Variants in SYK observed in about 807,000 individuals in gnomAD.
SYK encodes the protein tyrosine-protein kinase SYK.
A neutral mutation model predicts 77.8 loss-of-function variants in SYK; 16 were observed. The observed-to-expected ratio is 0.21, with a 90% CI of 0.14 to 0.31. The LOEUF (loss-of-function observed/expected upper bound fraction) is 0.31. Among genes scored for constraint, SYK ranks in the 10% least tolerant of loss-of-function variants. The pLI, the probability that SYK is intolerant of heterozygous loss-of-function variation, is 1.00. For synonymous variants in SYK, 312 were observed against 308.7 expected (o/e 1.01, Z -0.11); for missense variants, 529 against 814.4 (o/e 0.65, Z 4.26).
In SYK at chr9:90,824,376, T is replaced by C. The variant is rs374539317; in HGVS notation, c.-41-19482T>C. On this transcript the variant is annotated intron_variant, in intron 1 of 13. Coordinates refer to ENST00000375754, the MANE Select transcript of SYK (RefSeq NM_003177.7). ...TAGAAATGGAGGAAACAGTTTCTAA[T>C]TCATTTTATGAGTTCAGATTTCACG... Among the ~76,000 whole-genome samples the C allele has an allele frequency of 3.3e-5, 5 of 152,324 alleles. No homozygotes were observed. In the East Asian group the frequency reaches 9.6e-4, roughly 29 times the overall value.
intron 3 of SYK, among the ~76,000 whole-genome samples, chr9:90,854,439 G>A (rs886976124): frequency 2.6e-5 from 4 of 152,112 alleles, no homozygotes; most frequent in South Asian, 4.1e-4. Flanking sequence ...AGGAGGATGG[G>A]AAGCCTGCAG....
At chr9:90,831,469 A>G (rs759992322) in intron 1 of SYK, among the ~76,000 whole-genome samples, 26 of 152,250 alleles carry the variant, frequency 1.7e-4, no homozygotes, top group African/African-American at 2.4e-4. Context: ...ATATTTAAGA[A>G]CACAGTCTTA....
chr9:90,836,808 CATT>C (rs1324601438), intron 1 of SYK, among the ~76,000 whole-genome samples: 1 of 152,158 alleles, frequency 6.6e-6, no homozygotes, highest in African/African-American at 2.4e-5. Flanking sequence ...GAAGTCATGA[CATT>C]ATAAGAAAAA....
intron 3 of SYK, among the ~76,000 whole-genome samples, chr9:90,853,481 A>G (rs1826897848): frequency 6.6e-6 from 1 of 152,098 alleles, no homozygotes; most frequent in Non-Finnish European, 1.5e-5. Context: ...CAGATGTCCA[A>G]CAATGATAGA....
At chr9:90,893,544 C>G (rs1243288986) in intron 13 of SYK, among the ~76,000 whole-genome samples, 2 of 152,046 alleles carry the variant, frequency 1.3e-5, no homozygotes, top group African/African-American at 4.8e-5. Flanking sequence ...AGCACAAACC[C>G]AGGTATGGTT....
intron 11 of SYK, among the ~76,000 whole-genome samples, chr9:90,885,457 C>T (rs369566481): frequency 1.8e-4 from 28 of 152,198 alleles, no homozygotes; most frequent in African/African-American, 6.7e-4. Context: ...GAAGACAGGT[C>T]TTTTGAAACA....
intron 1 of SYK, among the ~76,000 whole-genome samples, chr9:90,811,032 A>G (rs987310884): frequency 2.0e-5 from 3 of 148,330 alleles, no homozygotes; most frequent in Non-Finnish European, 4.4e-5. Context: ...GAATAAAAAT[A>G]TAGCATTGAA....
At chr9:90,880,751 G>T (rs550148072) in intron 11 of SYK, among the ~76,000 whole-genome samples, 95 of 152,358 alleles carry the variant, frequency 6.2e-4, no homozygotes, top group African/African-American at 2.1e-3. Flanking sequence ...GGTAGGCAGG[G>T]TTCAGTGCGT....
chr9:90,812,684 G>A (rs1396813195), intron 1 of SYK, among the ~76,000 whole-genome samples: 2 of 152,040 alleles, frequency 1.3e-5, no homozygotes, highest in Non-Finnish European at 1.5e-5. Flanking sequence ...TGGCAGCTGT[G>A]TGTGCCTTTG....
chr9:90,804,616 G>A (rs1448442682), intron 1 of SYK, among the ~76,000 whole-genome samples: 1 of 152,184 alleles, frequency 6.6e-6, no homozygotes, highest in Non-Finnish European at 1.5e-5. Context: ...AGGAATTTAG[G>A]CCTTTGGGGA....
At chr9:90,873,532 C>CAAATAAATA (rs899666827) in intron 7 of SYK, among the ~76,000 whole-genome samples, 1 of 151,962 alleles carries the variant, frequency 6.6e-6, no homozygotes, top group Non-Finnish European at 1.5e-5. Flanking sequence ...TGATGTGGAC[C>CAAATAAATA]AAATAAATAC....
chr9:90,802,791 A>G (rs553997671), intron 1 of SYK, among the ~76,000 whole-genome samples: 103 of 101,612 alleles, frequency 1.0e-3, no homozygotes, highest in Middle Eastern at 6.0e-3. Context: ...ACTCAAGTAG[A>G]GTTCAAAGCA....
At chr9:90,857,272 C>T (rs1827073745) in intron 3 of SYK, among the ~76,000 whole-genome samples, 1 of 152,174 alleles carries the variant, frequency 6.6e-6, no homozygotes, top group Non-Finnish European at 1.5e-5. Context: ...TTTTATTTGA[C>T]ACATGTGGTT....
intron 3 of SYK, among the ~76,000 whole-genome samples, chr9:90,860,858 C>T (rs1443789841): frequency 6.6e-6 from 1 of 152,110 alleles, no homozygotes; most frequent in Non-Finnish European, 1.5e-5. Flanking sequence ...CTTCTTGCAA[C>T]CAGGAGGAGG....
chr9:90,850,931 G>A (rs1277714797), intron 3 of SYK, among the ~76,000 whole-genome samples: 2 of 152,186 alleles, frequency 1.3e-5, no homozygotes, highest in Non-Finnish European at 2.9e-5. Flanking sequence ...AAATGCAGAT[G>A]ATGGAAGCAG....
chr9:90,833,659 A>G (rs1484548185), intron 1 of SYK, among the ~76,000 whole-genome samples: 1 of 152,220 alleles, frequency 6.6e-6, no homozygotes, highest in African/African-American at 2.4e-5. Context: ...GAAACATTGT[A>G]CTTATGGTGG....
At chr9:90,842,750 A>T (rs951439009) in intron 1 of SYK, among the ~76,000 whole-genome samples, 1 of 122,202 alleles carries the variant, frequency 8.2e-6, no homozygotes, top group Admixed American at 9.0e-5. Context: ...TGCATGTGGT[A>T]TGGAGAGAGT....
chr9:90,859,684 G>A lies in SYK; in HGVS notation c.579-2522G>A, dbSNP rs560238246. ...ACTGTTCCAAATTGTTTTCCAAAGT[G>A]GGTGAGCCCATTTATGCTCCCACAA... On this transcript the variant is annotated intron_variant, in intron 3 of 13. Coordinates refer to ENST00000375754, the MANE Select transcript of SYK (RefSeq NM_003177.7). Among the ~76,000 whole-genome samples, 19 of 152,286 alleles carry A rather than the reference G, an allele frequency of 1.2e-4. No individual in the cohort carries two copies. The South Asian group carries it at 3.9e-3, about 32-fold the overall frequency.
intron 11 of SYK, among the ~76,000 whole-genome samples, chr9:90,881,679 C>CAAAAAAAAAAAAAAAAAA (rs10526591): frequency 2.2e-5 from 2 of 89,398 alleles, no homozygotes; most frequent in Non-Finnish European, 2.1e-5. Flanking sequence ...GACTCTGTCT[C>CAAAAAAAAAAAAAAAAAA]AAAAAAAAAA....
Sources: allele counts gnomAD v4.1 joint callset (sites outside exome capture counted in the v4.1 genomes callset), GRCh38; gene constraint gnomAD v4.1.1; transcripts MANE v1.5; gene names NCBI Gene and HGNC (gene_info 2026-07-23, HGNC 2026-07-21).